COL5A2: variants seen among roughly 807,000 people sequenced by gnomAD.
COL5A2 encodes collagen type V alpha 2 chain.
Under a neutral mutation model 208.2 loss-of-function variants are expected in COL5A2, and 23 were observed. The ratio of observed to expected loss-of-function variants is 0.11; its 90% CI spans 0.08 to 0.16. The LOEUF is 0.16. Ranked by LOEUF, COL5A2 falls within the 10% of genes least tolerant of loss-of-function variation. The pLI is 1.00. For missense variants in COL5A2, 1,590 were observed against 1,956.4 expected (o/e 0.81, Z 3.53); for synonymous variants, 625 against 628.5 (o/e 0.99, Z 0.08).
chr2:189,212,113 C>A (rs1014445105), intron 1 of COL5A2, among the ~76,000 whole-genome samples: 1 of 152,132 alleles, frequency 6.6e-6, no homozygotes, highest in Non-Finnish European at 1.5e-5. Context: ...ATAACCATTG[C>A]AGGCTGATAA....
intron 1 of COL5A2, among the ~76,000 whole-genome samples, chr2:189,135,931 A>T (rs896927680): frequency 6.6e-6 from 1 of 152,218 alleles, no homozygotes; most frequent in Non-Finnish European, 1.5e-5. Flanking sequence ...CCTGGATTTG[A>T]AACAAGAGAG....
the COL5A2 span, among the ~76,000 whole-genome samples, chr2:189,429,057 A>G: frequency 6.6e-6 from 1 of 152,204 alleles, no homozygotes; most frequent in African/African-American, 2.4e-5. Flanking sequence ...TAGGGACCAT[A>G]ATAAATGGCA....
the COL5A2 span, among the ~76,000 whole-genome samples, chr2:189,415,730 C>A: frequency 6.6e-6 from 1 of 152,112 alleles, no homozygotes; most frequent in Non-Finnish European, 1.5e-5. Context: ...CACGACCTCG[C>A]CTCACTGCAA....
the COL5A2 span, among the ~76,000 whole-genome samples, chr2:189,396,712 G>A: frequency 2.7e-5 from 4 of 147,334 alleles, no homozygotes; most frequent in South Asian, 4.3e-4. Flanking sequence ...GGCCGGGCGC[G>A]GTGGCTTATG....
chr2:189,295,912 T>A, the COL5A2 span, among the ~76,000 whole-genome samples: 1 of 152,254 alleles, frequency 6.6e-6, no homozygotes, highest in Non-Finnish European at 1.5e-5. Context: ...ATTTTCATCA[T>A]CTTTTTTATT....
At chr2:189,260,630 C>T in the COL5A2 span, among the ~76,000 whole-genome samples, 9 of 152,064 alleles carry the variant, frequency 5.9e-5, no homozygotes, top group African/African-American at 1.7e-4. Context: ...AAAATAAAGT[C>T]GGGTTTTTCT....
the COL5A2 span, among the ~76,000 whole-genome samples, chr2:189,270,289 T>C: frequency 4.6e-5 from 7 of 152,176 alleles, no homozygotes; most frequent in Admixed American, 4.6e-4. Flanking sequence ...TTTGAATTTG[T>C]TTGCTCCTGC....
the COL5A2 span, among the ~76,000 whole-genome samples, chr2:189,362,829 C>T: frequency 0.017 from 2,581 of 151,738 alleles, 76 homozygotes; most frequent in African/African-American, 0.06. Flanking sequence ...TTTTAAGATA[C>T]CAAAATGTCT....
At chr2:189,084,557 G>A (rs1048216609) in intron 11 of COL5A2, among the ~76,000 whole-genome samples, 3 of 152,040 alleles carry the variant, frequency 2.0e-5, no homozygotes, top group African/African-American at 7.2e-5. Flanking sequence ...ACTTGGTTTA[G>A]TATCATATAG....
chr2:189,269,349 T>G, the COL5A2 span, among the ~76,000 whole-genome samples: 3 of 152,114 alleles, frequency 2.0e-5, no homozygotes, highest in South Asian at 6.2e-4. Context: ...AGCTTTTGCC[T>G]ATTCAGTATG....
chr2:189,159,921 T>C (rs1212883191), intron 1 of COL5A2, among the ~76,000 whole-genome samples: 1 of 151,860 alleles, frequency 6.6e-6, no homozygotes. Context: ...AATAAATAAA[T>C]AATTGTTTTA....
At chr2:189,096,908 A>G (rs1218010264) in intron 6 of COL5A2, among the ~76,000 whole-genome samples, 1 of 152,144 alleles carries the variant, frequency 6.6e-6, no homozygotes, top group African/African-American at 2.4e-5. Context: ...AACCACTTGA[A>G]AGAAAATTTT....
At chr2:189,185,252 T>C (rs1688835993) in intron 1 of COL5A2, among the ~76,000 whole-genome samples, 1 of 152,138 alleles carries the variant, frequency 6.6e-6, no homozygotes, top group Non-Finnish European at 1.5e-5. Flanking sequence ...CTCAAACTCC[T>C]GACCTTTTGA....
chr2:189,438,539 T>G, the COL5A2 span, among the ~76,000 whole-genome samples: 1 of 152,128 alleles, frequency 6.6e-6, no homozygotes, highest in African/African-American at 2.4e-5. Context: ...GCACATAACA[T>G]AAATGCAATA....
At chr2:189,428,005 T>G in the COL5A2 span, among the ~76,000 whole-genome samples, 2 of 152,222 alleles carry the variant, frequency 1.3e-5, no homozygotes, top group African/African-American at 4.8e-5. Flanking sequence ...TACAGGCTCA[T>G]AGGCAGAAGG....
At chr2:189,191,563 C>T (rs1394408456) in intron 1 of COL5A2, among the ~76,000 whole-genome samples, 1 of 152,056 alleles carries the variant, frequency 6.6e-6, no homozygotes, top group East Asian at 1.9e-4. Context: ...ATCACTTGAA[C>T]CTGGGAGGCA....
chr2:189,051,965 A>G (rs888605211), intron 41 of COL5A2, among the ~76,000 whole-genome samples: 1 of 152,232 alleles, frequency 6.6e-6, no homozygotes, highest in African/African-American at 2.4e-5. Flanking sequence ...GCTAAAAAGA[A>G]CTTGCAAATT....
the COL5A2 span, among the ~76,000 whole-genome samples, chr2:189,249,295 T>G: frequency 1.3e-5 from 2 of 152,294 alleles, no homozygotes; most frequent in East Asian, 3.9e-4. Flanking sequence ...AATGAACCTA[T>G]CATTAATGAA....
chr2:189,290,733 C>CACACACACAT, the COL5A2 span, among the ~76,000 whole-genome samples: 3 of 151,316 alleles, frequency 2.0e-5, no homozygotes, highest in Non-Finnish European at 3.0e-5. Context: ...CACACACACA[C>CACACACACAT]ACACACACAC....
Sources: gnomAD v4.1 joint callset for allele counts (sites outside exome capture counted in the v4.1 genomes callset) on GRCh38, gnomAD v4.1.1 for gene constraint, MANE v1.5 for transcripts, NCBI Gene and HGNC (gene_info 2026-07-23, HGNC 2026-07-21) for gene names.